The following CACNA2D3 variants were observed in gnomAD, a reference collection of about 807,000 sequenced individuals.
CACNA2D3 encodes the protein voltage-dependent calcium channel subunit alpha-2/delta-3.
In CACNA2D3, 60 loss-of-function variants were observed where a neutral mutation model predicts 160.6. The observed-to-expected ratio is 0.37, with a 90% CI of 0.30 to 0.46. CACNA2D3 has a LOEUF of 0.46. Ranked by LOEUF, CACNA2D3 falls within the 20% of genes least tolerant of loss-of-function variation. CACNA2D3 has a pLI of 1.00. For synonymous variants in CACNA2D3, 558 were observed against 492.9 expected (o/e 1.13, Z -1.75); for missense variants, 1,205 against 1,365.0 (o/e 0.88, Z 1.85).
At chr3:54,989,270 CTGTT>C (rs1169219060) in intron 31 of CACNA2D3, among the ~76,000 whole-genome samples, 4 of 152,154 alleles carry the variant, frequency 2.6e-5, no homozygotes, top group African/African-American at 9.7e-5. Flanking sequence ...TCCTTTCAAA[CTGTT>C]TGGTGGGAGA....
At position 54,311,738 on chromosome 3, in the gene CACNA2D3, G is replaced by A. The variant is rs371549754; in HGVS notation, c.205-8704G>A. Among the ~76,000 whole-genome samples, 10 of 152,264 alleles carry A rather than the reference G, an allele frequency of 6.6e-5. No homozygotes were observed. The East Asian group carries it at 1.7e-3, about 26-fold the overall frequency. ...AAATAAGCCTCCTTTTACCCCAAGGGAACCACATGTGTTTGTCAACACATT... is the reference window on the plus strand; with the variant it reads ...AAATAAGCCTCCTTTTACCCCAAGGAAACCACATGTGTTTGTCAACACATT... On this transcript the variant is annotated intron_variant, in intron 2 of 37. Transcript: ENST00000474759.
intron 2 of CACNA2D3, among the ~76,000 whole-genome samples, chr3:54,138,569 G>A (rs1006274234): frequency 2.0e-5 from 3 of 152,204 alleles, no homozygotes; most frequent in Non-Finnish European, 4.4e-5. Flanking sequence ...TCTGACCAGG[G>A]GTCATTGTTT....
At chr3:54,602,713 A>G (rs1703086502) in intron 9 of CACNA2D3, among the ~76,000 whole-genome samples, 2 of 152,154 alleles carry the variant, frequency 1.3e-5, no homozygotes, top group African/African-American at 4.8e-5. Flanking sequence ...TCAAAAGAGT[A>G]CTGACATAAT....
intron 2 of CACNA2D3, among the ~76,000 whole-genome samples, chr3:54,152,564 G>C (rs1275254694): frequency 6.6e-6 from 1 of 152,194 alleles, no homozygotes; most frequent in Non-Finnish European, 1.5e-5. Context: ...CCAGGGAGCA[G>C]TGGCCTGGGC....
At chr3:54,980,538 T>G (rs569970117) in intron 29 of CACNA2D3, among the ~76,000 whole-genome samples, 3 of 151,964 alleles carry the variant, frequency 2.0e-5, no homozygotes, top group African/African-American at 7.3e-5. Flanking sequence ...GTAGAACTGT[T>G]TCCTTGGTGG....
At chr3:54,561,377 C>T (rs1026736044) in intron 5 of CACNA2D3, among the ~76,000 whole-genome samples, 3 of 152,116 alleles carry the variant, frequency 2.0e-5, no homozygotes, top group Non-Finnish European at 1.5e-5. Flanking sequence ...CTTTCAGCTT[C>T]ACTGTCGTTA....
intron 11 of CACNA2D3, among the ~76,000 whole-genome samples, chr3:54,708,881 A>T (rs17816566): frequency 0.15 from 22,401 of 152,058 alleles, 2,170 homozygotes; most frequent in Non-Finnish European, 0.21. Flanking sequence ...AACCCTATTG[A>T]TTGAAAAGAC....
intron 2 of CACNA2D3, among the ~76,000 whole-genome samples, chr3:54,289,120 C>G (rs1012500819): frequency 6.6e-6 from 1 of 152,044 alleles, no homozygotes; most frequent in Non-Finnish European, 1.5e-5. Flanking sequence ...TCAAATTGTC[C>G]CTGTTTGCAG....
At chr3:54,659,560 G>A (rs1417377144) in intron 11 of CACNA2D3, among the ~76,000 whole-genome samples, 3 of 152,132 alleles carry the variant, frequency 2.0e-5, no homozygotes. Context: ...CTTCCCTGTT[G>A]AGCTTCCTTG....
intron 12 of CACNA2D3, among the ~76,000 whole-genome samples, 172 bp downstream of exon 12, chr3:54,752,849 T>TC (rs397946761): frequency 1.3e-5 from 2 of 148,420 alleles, no homozygotes; most frequent in Non-Finnish European, 3.0e-5. Flanking sequence ...TTTTTTTTTT[T>TC]CTGTTCTTTT....
intron 2 of CACNA2D3, among the ~76,000 whole-genome samples, chr3:54,205,250 A>T (rs900309618): frequency 6.6e-6 from 1 of 152,022 alleles, no homozygotes; most frequent in Admixed American, 6.6e-5. Context: ...GTAATGGGGG[A>T]TGGGATTTTT....
chr3:54,813,232 C>A (rs1703366341), intron 13 of CACNA2D3, among the ~76,000 whole-genome samples: 1 of 152,190 alleles, frequency 6.6e-6, no homozygotes, highest in Admixed American at 6.5e-5. Flanking sequence ...CCCAATGCTG[C>A]CTGTCCAGAC....
chr3:54,739,676 C>G (rs1289694318), intron 11 of CACNA2D3, among the ~76,000 whole-genome samples: 3 of 151,604 alleles, frequency 2.0e-5, no homozygotes, highest in Non-Finnish European at 4.4e-5. Context: ...GTGTCCTATT[C>G]AGGGAAACCA....
chr3:54,621,070 G>A (rs1488246700), intron 9 of CACNA2D3, among the ~76,000 whole-genome samples: 6 of 152,088 alleles, frequency 3.9e-5, no homozygotes, highest in African/African-American at 1.4e-4. Flanking sequence ...GACCCTGATG[G>A]GTGTCATTGA....
At chr3:54,301,042 A>G (rs1045255526) in intron 2 of CACNA2D3, among the ~76,000 whole-genome samples, 5 of 151,744 alleles carry the variant, frequency 3.3e-5, no homozygotes, top group African/African-American at 9.7e-5. Context: ...AAAAAAGAAA[A>G]AATAAAGGAT....
chr3:54,879,406 T>G lies in CACNA2D3; in HGVS notation c.1839T>G (p.Pro613=), dbSNP rs773071167. The change falls in exon 20 of 38, where the codon CCT becomes CCG. Residue 613 remains proline, a synonymous_variant. Transcript: ENST00000474759. Reference sequence around the variant, plus strand: ...ATTATACAGACATCAAGGGTACTCCTTTCAGGTAGAGCTGACCATAATACA... The same window carrying G: ...ATTATACAGACATCAAGGGTACTCCGTTCAGGTAGAGCTGACCATAATACA... The part of the protein sequence containing the change: ...DYYYTDIKGT[P]FSLGVALSRG... 1 of 1,608,714 alleles carries G rather than the reference T, an allele frequency of 6.2e-7. No individual in the cohort carries two copies. The highest frequency in any genetic ancestry group is 1.7e-5 in the Admixed American group (1 of 59,820).
At chr3:54,225,823 C>A (rs1205563236) in intron 2 of CACNA2D3, among the ~76,000 whole-genome samples, 3 of 151,598 alleles carry the variant, frequency 2.0e-5, no homozygotes, top group African/African-American at 7.3e-5. Flanking sequence ...TCAGCAACTT[C>A]AGACTGAGTG....
chr3:54,640,081 C>T (rs907440741), intron 10 of CACNA2D3, among the ~76,000 whole-genome samples: 1 of 152,096 alleles, frequency 6.6e-6, no homozygotes, highest in African/African-American at 2.4e-5. Context: ...GGAATGTCAT[C>T]AGTTAAGGTG....
intron 27 of CACNA2D3, among the ~76,000 whole-genome samples, chr3:54,910,611 G>A (rs1700535698): frequency 6.6e-6 from 1 of 152,040 alleles, no homozygotes; most frequent in Admixed American, 6.5e-5. Flanking sequence ...ATGTTGGAGG[G>A]CCCCAGGGTT....
Sources: allele counts gnomAD v4.1 joint callset (sites outside exome capture counted in the v4.1 genomes callset), GRCh38; gene constraint gnomAD v4.1.1; transcripts MANE v1.5; gene names NCBI Gene and HGNC (gene_info 2026-07-23, HGNC 2026-07-21).